RBFOX1: variants seen among roughly 807,000 people sequenced by gnomAD.
RBFOX1 encodes RNA binding protein fox-1 homolog 1.
RBFOX1 carries 8 observed loss-of-function variants against 57.7 expected under a neutral mutation model. The observed-to-expected ratio is 0.14, with a 90% CI of 0.08 to 0.25. RBFOX1 has a LOEUF of 0.25. RBFOX1 is among the 10% of genes least tolerant of loss of function. The probability of loss-of-function intolerance (pLI) is 1.00; values close to 1 mark genes in which losing one functional copy is unlikely to be tolerated. For synonymous variants in RBFOX1, 326 were observed against 222.4 expected, an observed-to-expected ratio of 1.47 and a Z score of -4.15; for missense variants, 611 against 548.5, an observed-to-expected ratio of 1.11 and a Z score of -1.14.
At chr16:6,065,463 G>C (rs1273776837) in intron 1 of RBFOX1, among the ~76,000 whole-genome samples, 1 of 152,132 alleles carries the variant, frequency 6.6e-6, no homozygotes, top group Non-Finnish European at 1.5e-5. Flanking sequence ...CATGGTCATA[G>C]ATCATTTCAA....
chr16:7,185,007 T>C (rs1171458245), intron 4 of RBFOX1, among the ~76,000 whole-genome samples: 3 of 152,168 alleles, frequency 2.0e-5, no homozygotes, highest in African/African-American at 7.2e-5. Context: ...TAGCCCCACT[T>C]TGCCAATAAG....
intron 1 of RBFOX1, among the ~76,000 whole-genome samples, chr16:6,062,254 T>G (rs2095696993): frequency 1.3e-5 from 2 of 151,404 alleles, no homozygotes; most frequent in Non-Finnish European, 2.9e-5. Context: ...GTTTGATTGA[T>G]TCCATCATTG....
intron 3 of RBFOX1, among the ~76,000 whole-genome samples, chr16:7,010,566 T>C (rs990112260): frequency 1.3e-5 from 2 of 152,088 alleles, no homozygotes; most frequent in Non-Finnish European, 2.9e-5. Flanking sequence ...GTTTCTTTTT[T>C]TGAGACAGAG....
In RBFOX1 at chr16:6,833,521, A is replaced by G. The variant is rs1475053770; in HGVS notation, c.-16+178871A>G. Among the ~76,000 whole-genome samples, 9 of 151,986 alleles carry G rather than the reference A, an allele frequency of 5.9e-5. 1 individual carries two copies. Among genetic ancestry groups the G allele is most frequent in the South Asian group, 2.1e-4 (1 of 4,820 alleles). On this transcript the variant is annotated intron_variant, in intron 3 of 15. Coordinates refer to ENST00000550418, the MANE Select transcript of RBFOX1 (RefSeq NM_018723.4). ...AGGGAGACCCTCCTTGACTTCCCAGACTGGAATGCCAGCCTGGCCAGCTAC... is the reference window on the plus strand; with the variant it reads ...AGGGAGACCCTCCTTGACTTCCCAGGCTGGAATGCCAGCCTGGCCAGCTAC...
intron 14 of RBFOX1, among the ~76,000 whole-genome samples, chr16:7,708,141 C>G (rs925492241): frequency 2.0e-5 from 3 of 152,002 alleles, no homozygotes; most frequent in Non-Finnish European, 2.9e-5. Context: ...GAGTTTTGAA[C>G]CAACCTGAGT....
chr16:5,623,623 C>A (rs559841441), intron 3 of RBFOX1, among the ~76,000 whole-genome samples: 1 of 151,404 alleles, frequency 6.6e-6, no homozygotes, highest in South Asian at 2.1e-4. Context: ...TTCTTTTGTT[C>A]CCGCTACACT....
intron 4 of RBFOX1, among the ~76,000 whole-genome samples, chr16:7,437,296 A>T (rs73551088): frequency 0.017 from 2,448 of 147,864 alleles, 73 homozygotes; most frequent in African/African-American, 0.058. Context: ...CTTCTTCTCC[A>T]AACAGGCAGC....
At chr16:6,367,779 C>T (rs1421932147) in intron 2 of RBFOX1, among the ~76,000 whole-genome samples, 1 of 150,774 alleles carries the variant, frequency 6.6e-6, no homozygotes, top group African/African-American at 2.4e-5. Flanking sequence ...AAAATGATGC[C>T]AGGAGCAGAA....
chr16:7,399,657 T>C (rs2098205600), intron 4 of RBFOX1, among the ~76,000 whole-genome samples: 1 of 152,170 alleles, frequency 6.6e-6, no homozygotes, highest in South Asian at 2.1e-4. Flanking sequence ...TTCCCCTCTA[T>C]GTCTTCTGTT....
intron 2 of RBFOX1, among the ~76,000 whole-genome samples, chr16:5,540,537 T>G (rs2044889099): frequency 6.6e-6 from 1 of 152,200 alleles, no homozygotes; most frequent in African/African-American, 2.4e-5. Context: ...GTTGGTTTAG[T>G]ATAACCCCGG....
intron 2 of RBFOX1, among the ~76,000 whole-genome samples, chr16:6,403,983 C>T (rs749401352): frequency 6.6e-6 from 1 of 152,116 alleles, no homozygotes; most frequent in Non-Finnish European, 1.5e-5. Flanking sequence ...AGAATCCAAC[C>T]ATGCTGGCAC....
chr16:6,632,160 C>G (rs1031883440), intron 2 of RBFOX1, among the ~76,000 whole-genome samples: 4 of 152,108 alleles, frequency 2.6e-5, no homozygotes, highest in Non-Finnish European at 5.9e-5. Context: ...TGTGATCCTT[C>G]ACTTCCTCCT....
chr16:7,315,539 T>G (rs904993399), intron 4 of RBFOX1, among the ~76,000 whole-genome samples: 2 of 152,026 alleles, frequency 1.3e-5, no homozygotes, highest in Non-Finnish European at 2.9e-5. Context: ...CATTTATGCT[T>G]ATAAATTTTT....
chr16:6,906,874 C>A (rs902705856), intron 3 of RBFOX1, among the ~76,000 whole-genome samples: 1 of 152,008 alleles, frequency 6.6e-6, no homozygotes, highest in Admixed American at 6.6e-5. Context: ...AGGCACCTGC[C>A]ACCCCACCTG....
intron 4 of RBFOX1, among the ~76,000 whole-genome samples, chr16:7,381,801 G>A (rs979479053): frequency 6.6e-5 from 10 of 152,180 alleles, no homozygotes; most frequent in Non-Finnish European, 1.3e-4. Flanking sequence ...CACCTTGGCA[G>A]TGTGGACGCT....
chr16:6,716,846 A>C, intron 3 of RBFOX1, among the ~76,000 whole-genome samples: 1 of 152,310 alleles, frequency 6.6e-6, no homozygotes, highest in Non-Finnish European at 1.5e-5. Context: ...ATGTGAGTGT[A>C]ATAAACTGAA....
intron 4 of RBFOX1, among the ~76,000 whole-genome samples, chr16:7,105,048 C>T (rs1042985800): frequency 2.0e-5 from 3 of 151,468 alleles, no homozygotes; most frequent in Non-Finnish European, 4.4e-5. Flanking sequence ...CTACAGATCT[C>T]CACTTACATT....
intron 1 of RBFOX1, among the ~76,000 whole-genome samples, chr16:6,212,627 A>T (rs1444944316): frequency 1.3e-5 from 2 of 152,176 alleles, no homozygotes; most frequent in African/African-American, 4.8e-5. Context: ...GAATGGCGTG[A>T]ACCCGGGAGG....
rs988927500 is a variant in RBFOX1 at position 6,314,653 on chromosome 16, A to T, written c.-126-2342A>T. 2.7e-5 allele frequency among the ~76,000 whole-genome samples: 4 copies of T among 147,000 alleles called. No homozygotes were observed. The East Asian group carries it at 8.0e-4, about 29-fold the overall frequency. On this transcript the variant is annotated intron_variant, in intron 1 of 15. Transcript: ENST00000550418. The stretch of plus-strand genomic sequence containing the variant: ...GATATGTTCGGAGATGGAGGAAGTG[A>T]CAGGAAAGAGGGGGTAGGAGCTGAA...
Sources: gnomAD v4.1 joint callset for allele counts (sites outside exome capture counted in the v4.1 genomes callset) on GRCh38, gnomAD v4.1.1 for gene constraint, MANE v1.5 for transcripts, NCBI Gene and HGNC (gene_info 2026-07-23, HGNC 2026-07-21) for gene names.